The following MYT1L variants were observed in gnomAD, a reference collection of about 807,000 sequenced individuals.
MYT1L encodes the protein myelin transcription factor 1 like, also known as myelin transcription factor 1-like protein.
A neutral mutation model predicts 126.7 loss-of-function variants in MYT1L; 12 were observed. The ratio of observed to expected loss-of-function variants is 0.09; its 90% CI spans 0.06 to 0.15. The LOEUF (loss-of-function observed/expected upper bound fraction) is 0.15. Among genes scored for constraint, MYT1L ranks in the 10% least tolerant of loss-of-function variants. MYT1L has a pLI of 1.00. For missense variants in MYT1L, 979 were observed against 1,585.2 expected, an observed-to-expected ratio of 0.62 and a Z score of 6.49; for synonymous variants, 541 against 604.2, an observed-to-expected ratio of 0.90 and a Z score of 1.53.
chr2:1,990,501 C>T (rs928952866), intron 5 of MYT1L, among the ~76,000 whole-genome samples: 5 of 152,176 alleles, frequency 3.3e-5, no homozygotes, highest in South Asian at 2.1e-4. Context: ...AAAACCACTG[C>T]GGGTGCCATG....
chr2:1,841,822 G>A (rs2041766959), intron 19 of MYT1L: 2 of 152,242 alleles, frequency 1.3e-5, no homozygotes, highest in South Asian at 4.1e-4. Flanking sequence ...GGGAGACAGT[G>A]ATGGGCTAGT....
chr2:1,979,371 T>A lies in MYT1L; in HGVS notation c.90-144A>T, dbSNP rs2060426937. 1 of 1,109,534 alleles carries A rather than the reference T, an allele frequency of 9.0e-7. No individual in the cohort carries two copies. Among genetic ancestry groups the A allele is most frequent in the African/African-American group, 1.6e-5 (1 of 63,956 alleles). The allele number at this position is 1,109,534 out of a possible 1,614,324, so 68.7% of individuals were successfully genotyped here. A position where few individuals can be genotyped will look rare whatever the true frequency, so the allele number is the denominator to read the frequency against. On this transcript the variant is annotated intron_variant, in intron 7 of 24. Transcript: ENST00000647738. The surrounding 1 kb of genome is among the most constrained non-coding windows in gnomAD (Gnocchi z 4.0). ...AAGGAGGGGGAAATTCGGGGAGGCTTTTTACGAGCAAGTCTCGGGGGAATT... is the reference window on the plus strand; with the variant it reads ...AAGGAGGGGGAAATTCGGGGAGGCTATTTACGAGCAAGTCTCGGGGGAATT...
intron 18 of MYT1L, among the ~76,000 whole-genome samples, chr2:1,858,457 TAA>T (rs2044183668): frequency 6.6e-6 from 1 of 152,202 alleles, no homozygotes; most frequent in Non-Finnish European, 1.5e-5. Context: ...ATACAAATTT[TAA>T]AAATACGCTA....
At chr2:1,991,189 C>T (rs914595821) in intron 5 of MYT1L, among the ~76,000 whole-genome samples, 10 of 152,164 alleles carry the variant, frequency 6.6e-5, no homozygotes, top group Admixed American at 6.5e-4. Context: ...AATCTCTGCT[C>T]GCTGCCAGGA....
intron 1 of MYT1L, among the ~76,000 whole-genome samples, chr2:2,296,627 G>A (rs1056489154): frequency 6.6e-6 from 1 of 152,120 alleles, no homozygotes; most frequent in African/African-American, 2.4e-5. Flanking sequence ...GTGAGAGTGA[G>A]AAAGGGGCGT....
chr2:2,186,426 A>G (rs1001854127), intron 2 of MYT1L, among the ~76,000 whole-genome samples: 8 of 152,234 alleles, frequency 5.3e-5, no homozygotes, highest in Admixed American at 6.5e-5. Flanking sequence ...TGAAGCCAAG[A>G]TAGCGTGCTC....
intron 8 of MYT1L, among the ~76,000 whole-genome samples, chr2:1,955,659 G>A (rs758801685): frequency 6.6e-6 from 1 of 152,180 alleles, no homozygotes; most frequent in Non-Finnish European, 1.5e-5. Flanking sequence ...GATTAAGAAC[G>A]TTTGCTCCAT....
chr2:2,234,851 T>C (rs2094247434), intron 2 of MYT1L, among the ~76,000 whole-genome samples: 1 of 152,160 alleles, frequency 6.6e-6, no homozygotes, highest in South Asian at 2.1e-4. Flanking sequence ...ACTGTGTTCA[T>C]ATGTTGAAAT....
intron 3 of MYT1L, among the ~76,000 whole-genome samples, chr2:2,076,511 A>G (rs2075243877): frequency 6.6e-6 from 1 of 152,222 alleles, no homozygotes; most frequent in South Asian, 2.1e-4. Flanking sequence ...AAACTAACCA[A>G]TAAACAGACA....
At chr2:1,800,722 C>T (rs1412296660) in intron 23 of MYT1L, among the ~76,000 whole-genome samples, 1 of 152,140 alleles carries the variant, frequency 6.6e-6, no homozygotes, top group Non-Finnish European at 1.5e-5. Flanking sequence ...TAAGGGAGCC[C>T]TCGGAGTGTG....
intron 2 of MYT1L, among the ~76,000 whole-genome samples, chr2:2,201,697 C>CA (rs34259469): frequency 0.012 from 1,590 of 130,576 alleles, 7 homozygotes; most frequent in African/African-American, 0.023. Context: ...GACTCTGCCT[C>CA]AAAAAAAAAA....
chr2:2,075,120 A>T lies in MYT1L; in HGVS notation c.-303-20997T>A, dbSNP rs141161021. Reference sequence around the variant, plus strand: ...CACTCCCCTGGATAGAGAGCATTTCAGGAGAGAAGCCTGAATGCAAAGTGC... The same window carrying T: ...CACTCCCCTGGATAGAGAGCATTTCTGGAGAGAAGCCTGAATGCAAAGTGC... On this transcript the variant is annotated intron_variant, in intron 3 of 24. Coordinates refer to ENST00000647738, the MANE Select transcript of MYT1L (RefSeq NM_001303052.2). Among the ~76,000 whole-genome samples the T allele has an allele frequency of 2.4e-4, 37 of 152,330 alleles. No individual in the cohort carries two copies. The East Asian group carries it at 4.8e-3, about 20-fold the overall frequency.
chr2:1,790,086 TCA>T lies in MYT1L; in HGVS notation c.*1779_*1780del, dbSNP rs1385121989. ...GGGCTCCTCTATAATCCATCCAGGT[TCA>T]GTGTCACAAGGCTACTGACACGAGG... On this transcript the variant is annotated 3_prime_UTR_variant, in exon 25 of 25. Transcript: ENST00000647738. 1.3e-5 allele frequency: 2 copies of T among 152,182 alleles called. No homozygotes were observed. Among genetic ancestry groups the T allele is most frequent in the South Asian group, 4.1e-4 (2 of 4,826 alleles). The allele number at this position is 152,182 out of a possible 1,614,324, so 9.4% of individuals were successfully genotyped here.
chr2:2,057,719 T>C (rs1236953669), intron 3 of MYT1L, among the ~76,000 whole-genome samples: 1 of 152,228 alleles, frequency 6.6e-6, no homozygotes, highest in African/African-American at 2.4e-5. Context: ...ACCTTGCAGA[T>C]TGGCTTTTCT....
At chr2:2,150,066 C>G (rs532052899) in intron 3 of MYT1L, among the ~76,000 whole-genome samples, 181 of 152,300 alleles carry the variant, frequency 1.2e-3, no homozygotes, top group African/African-American at 4.1e-3. Flanking sequence ...GCTCTGCCAT[C>G]TTCCACCTCC....
intron 4 of MYT1L, among the ~76,000 whole-genome samples, chr2:2,004,627 CTTCTTTCCTGCAGGCA>C (rs2062953275): frequency 4.0e-5 from 5 of 126,172 alleles, no homozygotes; most frequent in South Asian, 2.7e-4. Flanking sequence ...TCCTGTGTGC[CTTCTTTCCTGCAGGCA>C]TTCTTTCCTG....
In MYT1L at chr2:1,912,172, G is replaced by A. The variant is rs572596749; in HGVS notation, c.1619-62C>T. ...AAACAGAGGCACGGTTAGGGCACAT[G>A]AAAATGCAGTCATTTAACAAAGGCC... On this transcript the variant is annotated intron_variant, in intron 11 of 24. Coordinates refer to ENST00000647738, the MANE Select transcript of MYT1L (RefSeq NM_001303052.2). This position sits in a 1 kb window ranked among gnomAD's most constrained non-coding sequence, Gnocchi z 4.3. The A allele has an allele frequency of 1.7e-5, 20 of 1,207,592 alleles. No individual in the cohort carries two copies. In the South Asian group the frequency reaches 3.2e-4, roughly 20 times the overall value. The allele number at this position is 1,207,592 out of a possible 1,614,324, so 74.8% of individuals were successfully genotyped here. A position where few individuals can be genotyped will look rare whatever the true frequency, so the allele number is the denominator to read the frequency against.
Position 1,910,989 on chromosome 2 carries a change from G to A in MYT1L, c.1710-642C>T, listed in dbSNP as rs1558367267. ...CAAGCTCACTTTATGTGAAATCACC[G>A]TGTCTGCTCTGTGGGTGTCTACATA... On this transcript the variant is annotated intron_variant, in intron 12 of 24. Transcript: ENST00000647738. This position sits in a 1 kb window ranked among gnomAD's most constrained non-coding sequence, Gnocchi z 4.8. 6.6e-6 allele frequency among the ~76,000 whole-genome samples: 1 copy of A among 152,182 alleles called. No individual in the cohort carries two copies. The highest frequency in any genetic ancestry group is 2.4e-5 in the African/African-American group (1 of 41,440).
Position 2,263,424 on chromosome 2 carries a change from C to T in MYT1L, c.-421+20980G>A, listed in dbSNP as rs182243935. 1.9e-3 allele frequency among the ~76,000 whole-genome samples: 291 copies of T among 152,218 alleles called. 2 individuals are homozygous for T. The highest frequency in any genetic ancestry group is 6.7e-3 in the African/African-American group (278 of 41,548). On this transcript the variant is annotated intron_variant, in intron 2 of 24. Transcript: ENST00000647738. ...CCTGATGAAGGAAACAATTCCAATG[C>T]ATAAATCAATAAATGCCTGAACCGT...
Sources: gnomAD v4.1 joint callset for allele counts (sites outside exome capture counted in the v4.1 genomes callset) on GRCh38, gnomAD v4.1.1 for gene constraint, Gnocchi (gnomAD v3.1) non-coding constraint, MANE v1.5 for transcripts, NCBI Gene and HGNC (gene_info 2026-07-23, HGNC 2026-07-21) for gene names.